CADM2: variants seen among roughly 807,000 people sequenced by gnomAD.
CADM2 encodes the protein immunoglobulin superfamily member 4D.
In CADM2, 12 loss-of-function variants were observed where a neutral mutation model predicts 49.8. The observed-to-expected ratio is 0.24, with a 90% CI of 0.15 to 0.39. The LOEUF (loss-of-function observed/expected upper bound fraction) is 0.39. Among genes scored for constraint, CADM2 ranks in the 10% least tolerant of loss-of-function variants. CADM2 has a pLI of 1.00. For synonymous variants in CADM2, 214 were observed against 175.4 expected (o/e 1.22, Z -1.74); for missense variants, 378 against 492.3 (o/e 0.77, Z 2.20).
chr3:85,780,578 C>G (rs960486966), intron 2 of CADM2, among the ~76,000 whole-genome samples: 1 of 152,162 alleles, frequency 6.6e-6, no homozygotes, highest in Non-Finnish European at 1.5e-5. Context: ...TTGATCACTT[C>G]CCAAAACATT....
At chr3:85,926,395 CTTAGGGGATGAAA>C (rs1391975042) in intron 6 of CADM2, among the ~76,000 whole-genome samples, 9 of 151,896 alleles carry the variant, frequency 5.9e-5, no homozygotes, top group Admixed American at 3.9e-4. Flanking sequence ...TTCAAATATA[CTTAGGGGATGAAA>C]TTGTACTCAG....
At chr3:85,495,955 A>T (rs917297221) in intron 1 of CADM2, among the ~76,000 whole-genome samples, 1 of 152,138 alleles carries the variant, frequency 6.6e-6, no homozygotes, top group African/African-American at 2.4e-5. Context: ...AGTTATTAAT[A>T]ATGGTTTCCT....
chr3:85,946,213 A>G (rs1722669268), intron 7 of CADM2, among the ~76,000 whole-genome samples: 1 of 151,926 alleles, frequency 6.6e-6, no homozygotes, highest in Non-Finnish European at 1.5e-5. Context: ...CTAGGAATCC[A>G]ACTTACAAGG....
At chr3:86,064,468 G>A (rs1030266691) in intron 8 of CADM2, among the ~76,000 whole-genome samples, 4 of 152,206 alleles carry the variant, frequency 2.6e-5, no homozygotes, top group Middle Eastern at 3.4e-3. Context: ...TTGGACATTT[G>A]GGTTGGATCC....
chr3:85,437,447 T>C (rs1030567362), intron 1 of CADM2, among the ~76,000 whole-genome samples: 3 of 152,122 alleles, frequency 2.0e-5, no homozygotes, highest in African/African-American at 7.2e-5. Flanking sequence ...AAAGTGGCTA[T>C]GCCACTTTGC....
intron 1 of CADM2, among the ~76,000 whole-genome samples, chr3:85,482,434 C>T (rs954379214): frequency 6.6e-6 from 1 of 151,616 alleles, no homozygotes; most frequent in African/African-American, 2.4e-5. Context: ...CTCTTCTCTT[C>T]AATTGATTTT....
intron 1 of CADM2, among the ~76,000 whole-genome samples, chr3:85,000,102 G>C (rs537396759): frequency 9.6e-4 from 136 of 142,218 alleles, no homozygotes; most frequent in African/African-American, 3.5e-3. Context: ...TAACATATAG[G>C]TTGCTTCTAC....
chr3:85,389,522 T>A (rs1040392639), intron 1 of CADM2, among the ~76,000 whole-genome samples: 1 of 152,226 alleles, frequency 6.6e-6, no homozygotes, highest in Admixed American at 6.5e-5. Flanking sequence ...CTCTCTGTAT[T>A]CTGTGTTAAA....
At chr3:85,739,613 T>G (rs1186572328) in intron 2 of CADM2, among the ~76,000 whole-genome samples, 1 of 152,050 alleles carries the variant, frequency 6.6e-6, no homozygotes, top group African/African-American at 2.4e-5. Flanking sequence ...AAAATGCAAG[T>G]TGCATCAATT....
At chr3:85,186,626 T>C (rs1169927727) in intron 1 of CADM2, among the ~76,000 whole-genome samples, 1 of 151,996 alleles carries the variant, frequency 6.6e-6, no homozygotes, top group Non-Finnish European at 1.5e-5. Flanking sequence ...TTTTGAGAGC[T>C]GTAGTCTGCA....
At chr3:85,318,127 GC>G (rs2044511383) in intron 1 of CADM2, among the ~76,000 whole-genome samples, 1 of 149,344 alleles carries the variant, frequency 6.7e-6, no homozygotes, top group South Asian at 2.1e-4. Flanking sequence ...CCATGATCCC[GC>G]CACTGCACTC....
rs143298774 is a variant in CADM2, at chr3:85,528,626, C to T, written c.62-197896C>T. ...GTAATATTTATCAGGTAAAAGTTAG[C>T]TATGACTACTGCTGCAGATAATACT... is the stretch of plus-strand genomic sequence containing the variant. On this transcript the variant is annotated intron_variant, in intron 1 of 9. Transcript: ENST00000383699. Among the ~76,000 whole-genome samples the T allele has an allele frequency of 6.0e-3, 911 of 152,294 alleles. 13 individuals are homozygous for T. The highest frequency in any genetic ancestry group is 0.021 in the African/African-American group (867 of 41,552).
intron 2 of CADM2, among the ~76,000 whole-genome samples, chr3:85,788,445 A>G (rs2071130149): frequency 6.6e-6 from 1 of 152,042 alleles, no homozygotes; most frequent in African/African-American, 2.4e-5. Flanking sequence ...TATTTTACAT[A>G]AATAACTTTA....
intron 1 of CADM2, among the ~76,000 whole-genome samples, chr3:85,489,834 G>A (rs55897272): frequency 0.51 from 77,415 of 150,634 alleles, 22,852 homozygotes; most frequent in East Asian, 0.85. Context: ...AGAGCAAAGC[G>A]AGGGAGAGAG....
intron 6 of CADM2, among the ~76,000 whole-genome samples, chr3:85,934,341 T>C (rs1035607014): frequency 3.3e-5 from 5 of 152,072 alleles, no homozygotes; most frequent in African/African-American, 9.7e-5. Flanking sequence ...TATATGGTTA[T>C]CCTAGTCAAT....
chr3:85,968,728 C>T lies in CADM2; in HGVS notation c.970+7081C>T, dbSNP rs142746319. Among the ~76,000 whole-genome samples, 8 of 151,620 alleles carry T rather than the reference C, an allele frequency of 5.3e-5. No homozygotes were observed. The East Asian group carries it at 1.6e-3, about 30-fold the overall frequency. ...AAATAAGGCCAGGCTGTAGCTTTAC[C>T]AAAATGTACAGAGCTCTTCTACCCA... On this transcript the variant is annotated intron_variant, in intron 8 of 9. Coordinates refer to ENST00000383699, the MANE Select transcript of CADM2 (RefSeq NM_001167675.2).
chr3:85,173,866 TA>T (rs2040703108), intron 1 of CADM2, among the ~76,000 whole-genome samples: 2 of 152,206 alleles, frequency 1.3e-5, no homozygotes, highest in Admixed American at 1.3e-4. Context: ...TGTTTATGTC[TA>T]AATCTATAGA....
chr3:85,415,393 A>G (rs553095265), intron 1 of CADM2, among the ~76,000 whole-genome samples: 55 of 144,918 alleles, frequency 3.8e-4, no homozygotes, highest in African/African-American at 1.3e-3. Flanking sequence ...GATTCTGATG[A>G]AAGTACGAAT....
chr3:86,067,328 A>C lies in CADM2; in HGVS notation c.*545A>C, dbSNP rs750782415. ...CTAGAAAACATAAAATTAAAAAAAA[A>C]CACTATAGTGTAGTTTTTGGAATGT... On this transcript the variant is annotated 3_prime_UTR_variant, in exon 10 of 10. Transcript: ENST00000383699. 6 of 152,762 alleles carry C rather than the reference A, an allele frequency of 3.9e-5. No individual in the cohort carries two copies. The highest frequency in any genetic ancestry group is 7.2e-5 in the African/African-American group (3 of 41,450). 9.5% of individuals were successfully genotyped at this position (152,762 alleles called of 1,614,324 possible). A position where few individuals can be genotyped will look rare whatever the true frequency, so the allele number is the denominator to read the frequency against.
Sources: allele counts gnomAD v4.1 joint callset (sites outside exome capture counted in the v4.1 genomes callset), GRCh38; gene constraint gnomAD v4.1.1; transcripts MANE v1.5; gene names NCBI Gene and HGNC (gene_info 2026-07-23, HGNC 2026-07-21).